The following PDE11A variants were observed in gnomAD, a reference collection of about 807,000 sequenced individuals.
The protein encoded by PDE11A is phosphodiesterase 11A, also known as dual 3',5'-cyclic-AMP and -GMP phosphodiesterase 11A.
In PDE11A, 100 loss-of-function variants were observed where a neutral mutation model predicts 100.5. The observed-to-expected ratio is 1.00, with a 90% CI of 0.85 to 1.18. PDE11A has a LOEUF of 1.18. PDE11A is among the 50% of genes most tolerant of loss of function. PDE11A has a pLI of 0.00. For missense variants in PDE11A, 1,141 were observed against 1,152.6 expected, an observed-to-expected ratio of 0.99 and a Z score of 0.15; for synonymous variants, 381 against 420.8, an observed-to-expected ratio of 0.91 and a Z score of 1.16.
chr2:177,908,596 A>G (rs752920817), intron 2 of PDE11A, among the ~76,000 whole-genome samples: 4 of 152,156 alleles, frequency 2.6e-5, no homozygotes, highest in Non-Finnish European at 4.4e-5. Context: ...TTAATGAGAC[A>G]CAGAACTGCT....
At chr2:177,862,981 G>C (rs1250030314) in intron 5 of PDE11A, among the ~76,000 whole-genome samples, 1 of 151,830 alleles carries the variant, frequency 6.6e-6, no homozygotes, top group Non-Finnish European at 1.5e-5. Context: ...CATAAAAACT[G>C]ACACACAAGC....
At chr2:178,013,814 A>G (rs1276249510) in intron 2 of PDE11A, among the ~76,000 whole-genome samples, 1 of 152,224 alleles carries the variant, frequency 6.6e-6, no homozygotes, top group East Asian at 1.9e-4. Flanking sequence ...TTCAGGGACA[A>G]AAGTAATGTT....
intron 2 of PDE11A, among the ~76,000 whole-genome samples, chr2:177,937,061 T>C (rs1013635161): frequency 1.3e-5 from 2 of 152,186 alleles, no homozygotes; most frequent in African/African-American, 2.4e-5. Context: ...CCTAAAATAT[T>C]TGTGAGGCAT....
At chr2:177,833,778 AT>A (rs2083347176) in intron 6 of PDE11A, among the ~76,000 whole-genome samples, 1 of 152,226 alleles carries the variant, frequency 6.6e-6, no homozygotes, top group East Asian at 1.9e-4. Context: ...GAAATTTAGA[AT>A]AGATATTAGT....
intron 3 of PDE11A, 145 bp from the exon 4 acceptor site, chr2:177,898,343 C>G (rs74267468): frequency 0.012 from 8,055 of 645,422 alleles, 120 homozygotes; most frequent in East Asian, 0.052. Context: ...ATTGTTTTGA[C>G]ATATTTTTAT....
At position 178,014,347 on chromosome 2, in the gene PDE11A, T is replaced by C. The variant is rs758036264; in HGVS notation, c.1026A>G (p.Ile342Met). Reference protein sequence around the residue: ...DGEIIGVAQAINKIPEGAPFT... With the variant: ...DGEIIGVAQAMNKIPEGAPFT... ...ATGGAGCTCCTTCAGGAATCTTATT[T>C]ATCGCTTGGGCCACACCAATAATCT... Residue 342 changes from isoleucine to methionine, a missense_variant, in exon 2 of 20, where the codon ATA becomes ATG. Physicochemically the swap from Ile to Met is conservative, Grantham distance 10. Coordinates refer to ENST00000286063, the MANE Select transcript of PDE11A (RefSeq NM_016953.4). 6.2e-6 allele frequency: 10 copies of C among 1,613,224 alleles called. No homozygotes were observed. In the South Asian group the frequency reaches 9.9e-5, roughly 16 times the overall value.
At chr2:177,999,104 G>C (rs965996017) in intron 2 of PDE11A, among the ~76,000 whole-genome samples, 2 of 152,202 alleles carry the variant, frequency 1.3e-5, no homozygotes, top group African/African-American at 4.8e-5. Flanking sequence ...TCATGTCCAA[G>C]TGTTAAGCCG....
intron 2 of PDE11A, among the ~76,000 whole-genome samples, chr2:178,002,555 T>A (rs2086158053): frequency 6.6e-6 from 1 of 152,156 alleles, no homozygotes; most frequent in Non-Finnish European, 1.5e-5. Context: ...AAATTCAAAC[T>A]CTTTTGAAGC....
Position 177,711,706 on chromosome 2 carries a change from G to A in PDE11A, c.2153+63C>T, listed in dbSNP as rs529632692. 69 of 922,598 alleles carry A rather than the reference G, an allele frequency of 7.5e-5. No homozygotes were observed. The African/African-American group carries it at 7.5e-4, about 10-fold the overall frequency. 57.2% of individuals were successfully genotyped at this position (922,598 alleles called of 1,614,324 possible). A position where few individuals can be genotyped will look rare whatever the true frequency, so the allele number is the denominator to read the frequency against. ...ATTAATGCTTTACTCTTTAGCATTC[G>A]TCACCTTTGGCTCTGAACAGAAAGG... On this transcript the variant is annotated intron_variant, in intron 13 of 19. Transcript: ENST00000286063.
intron 19 of PDE11A, among the ~76,000 whole-genome samples, chr2:177,641,434 A>AAAT (rs2080141415): frequency 6.6e-6 from 1 of 151,662 alleles, no homozygotes; most frequent in South Asian, 2.1e-4. Flanking sequence ...GTCAAAAAAA[A>AAAT]AAAAAAAGCT....
intron 2 of PDE11A, among the ~76,000 whole-genome samples, chr2:177,959,462 T>G (rs1481805008): frequency 6.6e-6 from 1 of 152,108 alleles, no homozygotes; most frequent in Admixed American, 6.5e-5. Flanking sequence ...ACTAGTGGAA[T>G]CAGGAGGACC....
At chr2:177,818,557 T>C (rs1460438245) in intron 7 of PDE11A, among the ~76,000 whole-genome samples, 1 of 152,058 alleles carries the variant, frequency 6.6e-6, no homozygotes, top group Non-Finnish European at 1.5e-5. Flanking sequence ...TGTTAGAATG[T>C]TCATAAAGCA....
At position 177,792,662 on chromosome 2, in the gene PDE11A, G is replaced by T. The variant is rs115707708; in HGVS notation, c.1738-23289C>A. On this transcript the variant is annotated intron_variant, in intron 9 of 19. Coordinates refer to ENST00000286063, the MANE Select transcript of PDE11A (RefSeq NM_016953.4). ...TCAAACTCACTAGGGCCACAGAAGT[G>T]ACTCGTCACCATGGATGAAATAAAA... is the stretch of plus-strand genomic sequence containing the variant. 4.9e-3 allele frequency among the ~76,000 whole-genome samples: 741 copies of T among 152,268 alleles called. 1 individual carries two copies. The highest frequency in any genetic ancestry group is 0.017 in the African/African-American group (707 of 41,554).
intron 4 of PDE11A, among the ~76,000 whole-genome samples, chr2:177,878,125 G>A (rs888545042): frequency 2.0e-5 from 3 of 152,176 alleles, no homozygotes; most frequent in East Asian, 1.9e-4. Context: ...GTAGGGCAAT[G>A]ACAATAGCTC....
At chr2:177,837,103 C>T (rs372155660) in intron 6 of PDE11A, among the ~76,000 whole-genome samples, 3 of 152,270 alleles carry the variant, frequency 2.0e-5, no homozygotes, top group South Asian at 2.1e-4. Flanking sequence ...CCTCTCCCTC[C>T]GTGTGCAAAC....
At chr2:177,650,120 T>C (rs1271579108) in intron 19 of PDE11A, among the ~76,000 whole-genome samples, 2 of 152,124 alleles carry the variant, frequency 1.3e-5, no homozygotes, top group Non-Finnish European at 2.9e-5. Flanking sequence ...CACTCCCCCA[T>C]CCATATCACA....
intron 1 of PDE11A, among the ~76,000 whole-genome samples, chr2:178,065,793 T>G (rs116600486): frequency 0.04 from 6,126 of 152,248 alleles, 199 homozygotes; most frequent in Middle Eastern, 0.061. Context: ...CTATCAGCAC[T>G]GGCTCATCAG....
At chr2:177,791,694 G>A (rs1257836536) in intron 9 of PDE11A, among the ~76,000 whole-genome samples, 3 of 152,046 alleles carry the variant, frequency 2.0e-5, no homozygotes, top group Non-Finnish European at 4.4e-5. Context: ...AAATAAGTAA[G>A]ATTATAGTAT....
At chr2:177,638,001 T>A (rs201474602) in intron 19 of PDE11A, among the ~76,000 whole-genome samples, 62,063 of 100,044 alleles carry the variant, frequency 0.62, 19,546 homozygotes, top group Admixed American at 0.71. Context: ...ATATATATTT[T>A]TTTTTTTTTT....
Sources: allele counts gnomAD v4.1 joint callset (sites outside exome capture counted in the v4.1 genomes callset), GRCh38; gene constraint gnomAD v4.1.1; transcripts MANE v1.5; gene names NCBI Gene and HGNC (gene_info 2026-07-23, HGNC 2026-07-21).